The following ZFHX2 variants were observed in gnomAD, a reference collection of about 807,000 sequenced individuals.
ZFHX2 encodes the protein zinc finger homeobox protein 2.
Under a neutral mutation model 164.8 loss-of-function variants are expected in ZFHX2, and 75 were observed. The observed-to-expected ratio is 0.46, with a 90% CI of 0.38 to 0.55. The LOEUF (loss-of-function observed/expected upper bound fraction) is 0.55, where lower values mean the gene tolerates loss of function less well. Ranked by LOEUF, ZFHX2 falls within the 20% of genes least tolerant of loss-of-function variation. ZFHX2 has a pLI of 0.00. For synonymous variants in ZFHX2, 1,217 were observed against 1,351.4 expected (o/e 0.90, Z 2.18); for missense variants, 2,933 against 3,308.0 (o/e 0.89, Z 2.78).
At chr14:23,547,168 G>C (rs1881479397) in intron 1 of ZFHX2, among the ~76,000 whole-genome samples, 1 of 152,354 alleles carries the variant, frequency 6.6e-6, no homozygotes, top group Admixed American at 6.5e-5. Context: ...TGGAGAGTCA[G>C]ATGTCAAGGC....
chr14:23,531,950 ATTTTTAGTACAGATGGGGT>A (rs1023185114), intron 3 of ZFHX2: 7 of 417,470 alleles, frequency 1.7e-5, no homozygotes, highest in South Asian at 1.2e-4. Context: ...TAATTTTTGT[ATTTTTAGTACAGATGGGGT>A]TTCACCATGT....
intron 1 of ZFHX2, among the ~76,000 whole-genome samples, chr14:23,545,882 G>A (rs1881328821): frequency 6.6e-6 from 1 of 152,228 alleles, no homozygotes; most frequent in South Asian, 2.1e-4. Flanking sequence ...TCTGAGGATG[G>A]AAATGGCGTT....
In ZFHX2 at chr14:23,546,186, AC is replaced by A. The variant is rs1217515945; in HGVS notation, c.-50+5156del. Reference sequence around the variant, plus strand: ...ACTGCTCTGCAGAGAGGTCTTGCACACCCTGGAACATTCATGTCTTTCTGAT... The same window carrying A: ...ACTGCTCTGCAGAGAGGTCTTGCACACCTGGAACATTCATGTCTTTCTGAT... On this transcript the variant is annotated intron_variant, in intron 1 of 9. Transcript: ENST00000419474. The surrounding 1 kb of genome is among the most constrained non-coding windows in gnomAD (Gnocchi z 4.7). 6.6e-6 allele frequency among the ~76,000 whole-genome samples: 1 copy of A among 152,192 alleles called. No individual in the cohort carries two copies. The highest frequency in any genetic ancestry group is 1.5e-5 in the Non-Finnish European group (1 of 68,034).
At chr14:23,529,058 A>T (rs1229178510) in intron 6 of ZFHX2, among the ~76,000 whole-genome samples, 2 of 152,248 alleles carry the variant, frequency 1.3e-5, no homozygotes, top group Non-Finnish European at 2.9e-5. Context: ...ATGCAGTAAC[A>T]CTGCGTATTG....
chr14:23,536,921 T>C (rs1595170150), intron 1 of ZFHX2, among the ~76,000 whole-genome samples: 1 of 152,260 alleles, frequency 6.6e-6, no homozygotes. Context: ...GCAGATCACC[T>C]GAGGTCAGGA....
intron 1 of ZFHX2, among the ~76,000 whole-genome samples, chr14:23,550,188 A>G (rs1291992251): frequency 6.6e-6 from 1 of 152,230 alleles, no homozygotes; most frequent in Non-Finnish European, 1.5e-5. Context: ...ACAGTCAACA[A>G]TGCTAGGAAG....
At chr14:23,536,026 C>T (rs1435312895) in intron 1 of ZFHX2, among the ~76,000 whole-genome samples, 2 of 152,224 alleles carry the variant, frequency 1.3e-5, no homozygotes, top group Non-Finnish European at 2.9e-5. Flanking sequence ...GACATATCCA[C>T]TTCAACAGCA....
chr14:23,528,237 C>T (rs1341383147), intron 6 of ZFHX2, among the ~76,000 whole-genome samples: 1 of 152,186 alleles, frequency 6.6e-6, no homozygotes, highest in African/African-American at 2.4e-5. Context: ...AGGAACTAGC[C>T]AGATAGGAAG....
rs773313397 is a variant in ZFHX2 at position 23,533,964 on chromosome 14, C to T, written c.1362G>A (p.Lys454=). The change falls in exon 2 of 10, where the codon AAG becomes AAA. Residue 454 remains lysine (K), a synonymous_variant. Transcript: ENST00000419474. The surrounding 1 kb of genome is among the most constrained non-coding windows in gnomAD (Gnocchi z 4.8). ...TGTAGTGCCAGTTGCACTTGGGACACTTGAGTGTCTTGCAGGAGTTGCGTG... is the reference window on the plus strand; with the variant it reads ...TGTAGTGCCAGTTGCACTTGGGACATTTGAGTGTCTTGCAGGAGTTGCGTG... ...LHSRNSCKTL[K]CPKCNWHYKY... 82 of 1,537,654 alleles carry T rather than the reference C, an allele frequency of 5.3e-5. No homozygotes were observed. The highest frequency in any genetic ancestry group is 6.4e-5 in the Non-Finnish European group (73 of 1,147,034).
At chr14:23,539,228 C>T (rs965230961) in intron 1 of ZFHX2, among the ~76,000 whole-genome samples, 22 of 152,216 alleles carry the variant, frequency 1.4e-4, no homozygotes, top group African/African-American at 5.3e-4. Flanking sequence ...GTATTGCCCT[C>T]TTCCTCTGTC....
intron 6 of ZFHX2, among the ~76,000 whole-genome samples, chr14:23,528,182 T>A (rs1595147715): frequency 6.6e-6 from 1 of 152,290 alleles, no homozygotes; most frequent in South Asian, 2.1e-4. Flanking sequence ...GTGCTGGGAT[T>A]ACAGGCGTGA....
At chr14:23,539,349 C>T (rs1383366780) in intron 1 of ZFHX2, among the ~76,000 whole-genome samples, 6 of 152,028 alleles carry the variant, frequency 3.9e-5, no homozygotes, top group South Asian at 2.1e-4. Flanking sequence ...TATATACAGT[C>T]GTAATTACTG....
Position 23,524,352 on chromosome 14 carries a change from T to C in ZFHX2, c.5590A>G (p.Ile1864Val). Reference sequence around the variant, plus strand: ...AGGATCTCTAGCTGCTCAGGCAAGATGGTGGTGCGCAGGCGCTTGTCCCTG... The same window carrying C: ...AGGATCTCTAGCTGCTCAGGCAAGACGGTGGTGCGCAGGCGCTTGTCCCTG... Reference protein sequence around the residue: ...PPRDKRLRTTILPEQLEILYR... With the variant: ...PPRDKRLRTTVLPEQLEILYR... Residue 1864 changes from isoleucine to valine, a missense_variant, in exon 9 of 10, where the codon ATC becomes GTC. Coordinates refer to ENST00000419474, the MANE Select transcript of ZFHX2 (RefSeq NM_033400.3). This position sits in a 1 kb window ranked among gnomAD's most constrained non-coding sequence, Gnocchi z 5.6. 6.5e-7 allele frequency: 1 copy of C among 1,536,270 alleles called. No homozygotes were observed. Among genetic ancestry groups the C allele is most frequent in the Non-Finnish European group, 8.7e-7 (1 of 1,146,934 alleles).
chr14:23,530,099 G>T, intron 5 of ZFHX2, 21 bp downstream of exon 5: 9 of 1,532,554 alleles, frequency 5.9e-6, no homozygotes, highest in Non-Finnish European at 7.9e-6. Flanking sequence ...GAGGACTGGG[G>T]GGAAGGGAGG....
chr14:23,526,517 G>A lies in ZFHX2; in HGVS notation c.3425C>T (p.Pro1142Leu), dbSNP rs917173098. 2 of 1,535,914 alleles carry A rather than the reference G, an allele frequency of 1.3e-6. No homozygotes were observed. Among genetic ancestry groups the A allele is most frequent in the Non-Finnish European group, 8.7e-7 (1 of 1,146,898 alleles). ...TTCCTCCTCAGCCATGGTGGGCGGA[G>A]GAGCTACGTCTTCAGCTTGGGCATC... ...EPDAQAEDVA[P>L]PPTMAEEEEG... is the part of the protein sequence containing the mutation. The change falls in exon 9 of 10, where the codon CCT (proline) becomes CTT (leucine). Residue 1142 changes from proline (P) to leucine (L), a missense_variant. Physicochemically the swap from Pro to Leu is moderately conservative, Grantham distance 98. Coordinates refer to ENST00000419474, the MANE Select transcript of ZFHX2 (RefSeq NM_033400.3).
rs1373051716 is a variant in ZFHX2 at position 23,530,140 on chromosome 14, T to G, written c.2855A>C (p.Gln952Pro). The G allele has an allele frequency of 6.5e-7, 1 of 1,536,062 alleles. No individual in the cohort carries two copies. Among genetic ancestry groups the G allele is most frequent in the African/African-American group, 1.4e-5 (1 of 73,100 alleles). Residue 952 changes from glutamine to proline, a missense_variant, in exon 5 of 10, where the codon CAG (glutamine) becomes CCG (proline). Physicochemically the swap from Gln to Pro is moderately conservative, Grantham distance 76. Coordinates refer to ENST00000419474, the MANE Select transcript of ZFHX2 (RefSeq NM_033400.3). ...AEPPTPEKDAQNKTEQLASEE... is the reference protein window; with the variant it reads ...AEPPTPEKDAPNKTEQLASEE... ...CTCACCCAATTGTTCTGTCTTGTTC[T>G]GGGCATCTTTCTCAGGGGTGGGTGG...
In ZFHX2 at chr14:23,532,666, G is replaced by T; in HGVS notation, c.2460C>A (p.His820Gln). 1.3e-6 allele frequency: 2 copies of T among 1,508,784 alleles called. No individual in the cohort carries two copies. The highest frequency in any genetic ancestry group is 8.8e-7 in the Non-Finnish European group (1 of 1,131,952). 93.5% of individuals were successfully genotyped at this position (1,508,784 alleles called of 1,614,324 possible). The change falls in exon 3 of 10, where the codon CAC becomes CAA. Residue 820 changes from histidine to glutamine, a missense_variant. His to Gln is a conservative substitution (Grantham distance 24). Coordinates refer to ENST00000419474, the MANE Select transcript of ZFHX2 (RefSeq NM_033400.3). The stretch of plus-strand genomic sequence containing the variant: ...CAAAGTCACAGATGTTGCAGCGCAG[G>T]TGTAGTGGGGAGACAGACCCATAAG... ...GAPYGSVSPL[H>Q]LRCNICDFES... is the part of the protein sequence containing the mutation.
chr14:23,548,701 G>A (rs952045822), intron 1 of ZFHX2, among the ~76,000 whole-genome samples: 2 of 152,188 alleles, frequency 1.3e-5, no homozygotes, highest in African/African-American at 4.8e-5. Flanking sequence ...TTAGGCCAAT[G>A]AAATGAATGC....
At chr14:23,527,918 T>G (rs1878974476) in intron 6 of ZFHX2, 114 bp from the exon 7 acceptor site, 5 of 1,055,734 alleles carry the variant, frequency 4.7e-6, no homozygotes, top group Non-Finnish European at 6.6e-6. Flanking sequence ...TTTTTTTTTT[T>G]TTTTTTTAGA....
Sources: allele counts gnomAD v4.1 joint callset (sites outside exome capture counted in the v4.1 genomes callset), GRCh38; gene constraint gnomAD v4.1.1; non-coding constraint Gnocchi (gnomAD v3.1); transcripts MANE v1.5; gene names NCBI Gene and HGNC (gene_info 2026-07-23, HGNC 2026-07-21).